The following CLSTN2 variants were observed in gnomAD, a reference collection of about 807,000 sequenced individuals.
CLSTN2 encodes the protein calsyntenin-2.
In CLSTN2, 48 loss-of-function variants were observed where a neutral mutation model predicts 101.2. The ratio of observed to expected loss-of-function variants is 0.47; its 90% CI spans 0.38 to 0.60. The LOEUF (loss-of-function observed/expected upper bound fraction) is 0.60. Among genes scored for constraint, CLSTN2 ranks in the 20% least tolerant of loss-of-function variants. CLSTN2 has a pLI of 0.00. For synonymous variants in CLSTN2, 481 were observed against 463.6 expected, an observed-to-expected ratio of 1.04 and a Z score of -0.48; for missense variants, 1,160 against 1,238.2, an observed-to-expected ratio of 0.94 and a Z score of 0.95.
chr3:140,365,609 G>T (rs903211598), intron 2 of CLSTN2, among the ~76,000 whole-genome samples: 2 of 152,058 alleles, frequency 1.3e-5, no homozygotes, highest in Non-Finnish European at 2.9e-5. Flanking sequence ...GGCCCAGAGA[G>T]GTGAGGGGAC....
chr3:140,163,197 T>C (rs2107821023), intron 1 of CLSTN2, among the ~76,000 whole-genome samples: 1 of 152,302 alleles, frequency 6.6e-6, no homozygotes. Context: ...CAGTTGACTT[T>C]AAGTAAAGGA....
At chr3:140,171,631 T>TATCACAAAGTATGAATTTC (rs1559797086) in intron 1 of CLSTN2, among the ~76,000 whole-genome samples, 1 of 123,394 alleles carries the variant, frequency 8.1e-6, no homozygotes, top group African/African-American at 3.1e-5. Context: ...ATAATATGTA[T>TATCACAAAGTATGAATTTC]TATATATTAT....
chr3:139,946,050 C>T (rs2107808385), intron 1 of CLSTN2, among the ~76,000 whole-genome samples: 1 of 152,264 alleles, frequency 6.6e-6, no homozygotes, highest in Admixed American at 6.5e-5. Context: ...TATATTAATT[C>T]AATTAACCCT....
chr3:140,394,346 G>T (rs373699189), intron 2 of CLSTN2, among the ~76,000 whole-genome samples: 39 of 152,274 alleles, frequency 2.6e-4, no homozygotes, highest in African/African-American at 9.1e-4. Flanking sequence ...TTTAGGCACT[G>T]ACCTGTACTA....
chr3:139,986,120 T>C (rs936954190), intron 1 of CLSTN2, among the ~76,000 whole-genome samples: 1 of 152,180 alleles, frequency 6.6e-6, no homozygotes, highest in African/African-American at 2.4e-5. Flanking sequence ...AGATTGGGCA[T>C]GTTTTCATCT....
chr3:140,084,084 G>A lies in CLSTN2; in HGVS notation c.110-91867G>A, dbSNP rs548366348. 1.1e-3 allele frequency among the ~76,000 whole-genome samples: 160 copies of A among 152,272 alleles called. 1 individual carries two copies. Among genetic ancestry groups the A allele is most frequent in the Middle Eastern group, 6.8e-3 (2 of 294 alleles). ...TAACCTGGAAATGTAGACTTTTCAT[G>A]ATGCTGCATATAACCCTAGAGGAGT... On this transcript the variant is annotated intron_variant, in intron 1 of 16. Coordinates refer to ENST00000458420, the MANE Select transcript of CLSTN2 (RefSeq NM_022131.3).
chr3:139,956,305 C>T (rs1392277302), intron 1 of CLSTN2, among the ~76,000 whole-genome samples: 4 of 152,158 alleles, frequency 2.6e-5, no homozygotes, highest in Admixed American at 2.6e-4. Flanking sequence ...ACTTTGTACT[C>T]ATTGAAGGCG....
chr3:140,294,443 A>G (rs1452524334), intron 2 of CLSTN2, among the ~76,000 whole-genome samples: 1 of 152,180 alleles, frequency 6.6e-6, no homozygotes, highest in Non-Finnish European at 1.5e-5. Flanking sequence ...CTCCACCATT[A>G]AGAACATCAC....
At chr3:140,271,569 G>A (rs1272318080) in intron 2 of CLSTN2, among the ~76,000 whole-genome samples, 1 of 152,150 alleles carries the variant, frequency 6.6e-6, no homozygotes, top group Non-Finnish European at 1.5e-5. Context: ...TGTGGTGGAA[G>A]AAGAAAAGGG....
chr3:140,451,485 C>G (rs1381021663), intron 6 of CLSTN2, among the ~76,000 whole-genome samples: 1 of 152,124 alleles, frequency 6.6e-6, no homozygotes, highest in Non-Finnish European at 1.5e-5. Flanking sequence ...CACTGCCCCC[C>G]ACACCTATGG....
chr3:140,053,844 G>A (rs1448521687), intron 1 of CLSTN2, among the ~76,000 whole-genome samples: 2 of 152,198 alleles, frequency 1.3e-5, no homozygotes, highest in Non-Finnish European at 2.9e-5. Context: ...GATGGGTGAT[G>A]TGAAGTGATT....
chr3:139,989,984 A>G (rs1936090170), intron 1 of CLSTN2, among the ~76,000 whole-genome samples: 1 of 152,268 alleles, frequency 6.6e-6, no homozygotes, highest in South Asian at 2.1e-4. Flanking sequence ...TTTCAAAGCC[A>G]GATGGCTGAA....
At position 140,273,469 on chromosome 3, in the gene CLSTN2, A is replaced by C. The variant is rs75574892; in HGVS notation, c.232+97396A>C. Reference sequence around the variant, plus strand: ...AACAATGTTAGAGCTGAAGAAATGAAAGCTTCACAGCTACATGTGGCCTCA... The same window carrying C: ...AACAATGTTAGAGCTGAAGAAATGACAGCTTCACAGCTACATGTGGCCTCA... On this transcript the variant is annotated intron_variant, in intron 2 of 16. Coordinates refer to ENST00000458420, the MANE Select transcript of CLSTN2 (RefSeq NM_022131.3). 4.7e-3 allele frequency among the ~76,000 whole-genome samples: 717 copies of C among 152,288 alleles called. 5 individuals carry two copies. Among genetic ancestry groups the C allele is most frequent in the African/African-American group, 0.016 (644 of 41,546 alleles).
At chr3:139,985,823 T>C (rs1001049528) in intron 1 of CLSTN2, among the ~76,000 whole-genome samples, 1 of 152,226 alleles carries the variant, frequency 6.6e-6, no homozygotes, top group Non-Finnish European at 1.5e-5. Flanking sequence ...ATTATGGGAA[T>C]GTTCTGTATC....
intron 1 of CLSTN2, among the ~76,000 whole-genome samples, chr3:140,058,262 T>G (rs1428762075): frequency 6.6e-6 from 1 of 152,122 alleles, no homozygotes; most frequent in Non-Finnish European, 1.5e-5. Flanking sequence ...AGCACTGAAA[T>G]TCTGTGTGGG....
At chr3:139,996,817 G>A (rs2006674476) in intron 1 of CLSTN2, among the ~76,000 whole-genome samples, 1 of 152,092 alleles carries the variant, frequency 6.6e-6, no homozygotes. Flanking sequence ...GGAGGCCGAG[G>A]TGGGTGGATC....
At chr3:139,985,495 G>A (rs1306810999) in intron 1 of CLSTN2, among the ~76,000 whole-genome samples, 4 of 152,110 alleles carry the variant, frequency 2.6e-5, no homozygotes, top group Non-Finnish European at 4.4e-5. Flanking sequence ...TTTCCTAGCT[G>A]GGGTGTCTAT....
At chr3:140,142,732 AGAG>A (rs2009720354) in intron 1 of CLSTN2, among the ~76,000 whole-genome samples, 2 of 152,222 alleles carry the variant, frequency 1.3e-5, no homozygotes, top group Non-Finnish European at 2.9e-5. Context: ...AGAGAAACCC[AGAG>A]AAGAAGGAGG....
chr3:140,377,732 A>G (rs909412806), intron 2 of CLSTN2, among the ~76,000 whole-genome samples: 5 of 152,228 alleles, frequency 3.3e-5, no homozygotes, highest in African/African-American at 1.2e-4. Context: ...AAGCTTATAA[A>G]GTCCAAAAGT....
Sources: allele counts gnomAD v4.1 joint callset (sites outside exome capture counted in the v4.1 genomes callset), GRCh38; gene constraint gnomAD v4.1.1; transcripts MANE v1.5; gene names NCBI Gene and HGNC (gene_info 2026-07-23, HGNC 2026-07-21).